The following RASA2 variants were observed in gnomAD, a reference collection of about 807,000 sequenced individuals.
RASA2 encodes the protein RAS p21 protein activator 2, also known as ras GTPase-activating protein 2.
In RASA2, 155 loss-of-function variants were observed where a neutral mutation model predicts 118.2. The ratio of observed to expected loss-of-function variants is 1.31; its 90% CI spans 1.15 to 1.50. The LOEUF (loss-of-function observed/expected upper bound fraction) is 1.50, where lower values mean the gene tolerates loss of function less well. Ranked by LOEUF, RASA2 falls within the 40% of genes most tolerant of loss-of-function variation. RASA2 has a pLI of 0.00. For synonymous variants in RASA2, 353 were observed against 349.1 expected (o/e 1.01, Z -0.12); for missense variants, 1,016 against 1,009.6 (o/e 1.01, Z -0.09).
intron 21 of RASA2, 21 bp from the exon 22 acceptor site, chr3:141,609,399 A>AT: frequency 7.2e-7 from 1 of 1,389,270 alleles, no homozygotes; most frequent in Non-Finnish European, 9.8e-7. Flanking sequence ...TAATATCTTT[A>AT]TTTTTTTATT....
chr3:141,522,159 A>G (rs2082120698), intron 3 of RASA2, among the ~76,000 whole-genome samples: 2 of 151,720 alleles, frequency 1.3e-5, no homozygotes, highest in Admixed American at 6.6e-5. Context: ...ATTTATTCTC[A>G]TTGTACCAGG....
At chr3:141,493,260 C>T (rs1433975604) in intron 1 of RASA2, among the ~76,000 whole-genome samples, 2 of 152,008 alleles carry the variant, frequency 1.3e-5, no homozygotes, top group Non-Finnish European at 2.9e-5. Flanking sequence ...TTCACTGTGC[C>T]GTCTACACAC....
At chr3:141,540,741 T>G in intron 5 of RASA2, 132 bp downstream of exon 5, 1 of 712,056 alleles carries the variant, frequency 1.4e-6, no homozygotes, top group Admixed American at 2.9e-5. Flanking sequence ...TCATTCCTTT[T>G]GTGAAGTTGA....
intron 5 of RASA2, among the ~76,000 whole-genome samples, chr3:141,544,524 C>A (rs908713852): frequency 2.6e-5 from 4 of 151,986 alleles, no homozygotes; most frequent in African/African-American, 9.7e-5. Flanking sequence ...TGATTCTTTC[C>A]TCTGTCTTCT....
intron 23 of RASA2, 64 bp downstream of exon 23, chr3:141,610,130 C>A: frequency 1.5e-6 from 2 of 1,347,820 alleles, no homozygotes; most frequent in Non-Finnish European, 2.0e-6. Context: ...CCTCTCCTGC[C>A]CCAACCTCAC....
chr3:141,572,608 G>C lies in RASA2; in HGVS notation c.1170-1G>C. ...TTTGGTTTCATCTATTTCTATTTCA[G>C]AGATGCAAACACAATTTTTAGAGGA... On this transcript the variant is annotated splice_acceptor_variant, in intron 11 of 23. Coordinates refer to ENST00000286364, the MANE Select transcript of RASA2 (RefSeq NM_006506.5). LOFTEE classifies it high-confidence loss of function. 1.2e-6 allele frequency: 2 copies of C among 1,605,554 alleles called. No homozygotes were observed. Among genetic ancestry groups the C allele is most frequent in the Non-Finnish European group, 1.7e-6 (2 of 1,172,700 alleles).
At chr3:141,597,900 C>T (rs2083399479) in intron 19 of RASA2, among the ~76,000 whole-genome samples, 1 of 151,992 alleles carries the variant, frequency 6.6e-6, no homozygotes, top group Non-Finnish European at 1.5e-5. Context: ...ATTCCAATGA[C>T]ATTAAAAGAC....
chr3:141,487,128 GC>G lies in RASA2; in HGVS notation c.47del (p.Pro16GlnfsTer44). 6.9e-7 allele frequency: 1 copy of G among 1,439,174 alleles called. No homozygotes were observed. Among genetic ancestry groups the G allele is most frequent in the Non-Finnish European group, 9.2e-7 (1 of 1,086,142 alleles). The allele number at this position is 1,439,174 out of a possible 1,614,324, so 89.2% of individuals were successfully genotyped here. On this transcript the variant is annotated frameshift_variant, in exon 1 of 24. Transcript: ENST00000286364. LOFTEE classifies it high-confidence loss of function. ...PAAAAASSEA[P>X]AASATAEPEA... Reference sequence around the variant, plus strand: ...CTGCTGCGGCGGCTTCTTCCGAGGCGCCAGCGGCGAGTGCGACTGCAGAGCC... The same window carrying G: ...CTGCTGCGGCGGCTTCTTCCGAGGCGCAGCGGCGAGTGCGACTGCAGAGCC...
intron 1 of RASA2, among the ~76,000 whole-genome samples, chr3:141,488,775 C>G (rs1257190343): frequency 6.6e-6 from 1 of 152,024 alleles, no homozygotes; most frequent in Non-Finnish European, 1.5e-5. Context: ...TTTGGGAAAA[C>G]TGTAAATGGG....
At chr3:141,584,525 T>C (rs1037830736) in intron 17 of RASA2, among the ~76,000 whole-genome samples, 6 of 152,104 alleles carry the variant, frequency 3.9e-5, no homozygotes, top group African/African-American at 9.7e-5. Flanking sequence ...GATGGGAAGT[T>C]TATAAATGGC....
intron 15 of RASA2, 132 bp downstream of exon 15, chr3:141,577,238 T>A (rs2083027776): frequency 1.5e-6 from 1 of 671,454 alleles, no homozygotes; most frequent in Non-Finnish European, 2.4e-6. Flanking sequence ...TCAGCATTTT[T>A]CTTGGCCATT....
chr3:141,497,895 A>G (rs2081727378), intron 1 of RASA2, among the ~76,000 whole-genome samples: 1 of 152,062 alleles, frequency 6.6e-6, no homozygotes, highest in Non-Finnish European at 1.5e-5. Flanking sequence ...AAGTAGAAAT[A>G]ATACAGCAAA....
intron 4 of RASA2, among the ~76,000 whole-genome samples, chr3:141,533,308 G>T (rs1242432430): frequency 2.0e-5 from 3 of 152,176 alleles, no homozygotes; most frequent in Non-Finnish European, 4.4e-5. Context: ...GTTCCCTAAG[G>T]AAGGGGTTTG....
intron 1 of RASA2, among the ~76,000 whole-genome samples, chr3:141,504,599 C>G (rs1434252658): frequency 6.6e-6 from 1 of 152,170 alleles, no homozygotes; most frequent in South Asian, 2.1e-4. Flanking sequence ...CCTCCCCTGA[C>G]CTGCAAGTTT....
At chr3:141,515,183 A>G (rs1294082516) in intron 2 of RASA2, among the ~76,000 whole-genome samples, 3 of 152,164 alleles carry the variant, frequency 2.0e-5, no homozygotes, top group African/African-American at 7.2e-5. Flanking sequence ...CCTTGTTTTA[A>G]TTTTTTAAAA....
chr3:141,548,393 A>G (rs965466778), intron 5 of RASA2, among the ~76,000 whole-genome samples: 1 of 151,916 alleles, frequency 6.6e-6, no homozygotes, highest in South Asian at 2.1e-4. Flanking sequence ...GGATTTTTTC[A>G]TGGTTCAATC....
At chr3:141,584,912 T>A (rs2083176025) in intron 17 of RASA2, among the ~76,000 whole-genome samples, 1 of 152,156 alleles carries the variant, frequency 6.6e-6, no homozygotes, top group Admixed American at 6.5e-5. Context: ...TGATTGAGCA[T>A]CCCTAATCTG....
chr3:141,533,739 C>CT (rs200148816), intron 4 of RASA2, among the ~76,000 whole-genome samples: 4 of 151,284 alleles, frequency 2.6e-5, no homozygotes, highest in Non-Finnish European at 4.4e-5. Context: ...TATTTTTCTA[C>CT]TTTTTTTTTG....
intron 7 of RASA2, among the ~76,000 whole-genome samples, chr3:141,556,225 C>T (rs544701542): frequency 6.6e-6 from 1 of 152,346 alleles, no homozygotes; most frequent in South Asian, 2.1e-4. Flanking sequence ...ATAGTGGCCA[C>T]AGGATTCTTC....
Sources: allele counts gnomAD v4.1 joint callset (sites outside exome capture counted in the v4.1 genomes callset), GRCh38; gene constraint gnomAD v4.1.1; transcripts MANE v1.5; gene names NCBI Gene and HGNC (gene_info 2026-07-23, HGNC 2026-07-21).